Variants in DOK7 observed in about 807,000 individuals in gnomAD.
The protein encoded by DOK7 is docking protein 7, also known as protein Dok-7.
In DOK7, 32 loss-of-function variants were observed where a neutral mutation model predicts 30.7. The ratio of observed to expected loss-of-function variants is 1.04; its 90% CI spans 0.79 to 1.40. The LOEUF (loss-of-function observed/expected upper bound fraction) is 1.40, where lower values mean the gene tolerates loss of function less well. Among genes scored for constraint, DOK7 ranks in the 40% most tolerant of loss-of-function variants. The pLI is 0.00. For missense variants in DOK7, 1,007 were observed against 699.2 expected (o/e 1.44, Z -4.97); for synonymous variants, 447 against 324.1 (o/e 1.38, Z -4.07).
chr4:3,486,925 C>T (rs964480425), intron 5 of DOK7, among the ~76,000 whole-genome samples: 18 of 152,026 alleles, frequency 1.2e-4, no homozygotes, highest in Admixed American at 2.0e-4. Flanking sequence ...AGGCAGTTCC[C>T]GGGGAGCAGA....
At chr4:3,495,688 T>C (rs535921008), downstream of DOK7, among the ~76,000 whole-genome samples, 1 of 152,164 alleles carries the variant, frequency 6.6e-6, no homozygotes, top group South Asian at 2.1e-4. Flanking sequence ...CAGACACTGG[T>C]TCTGTTTTCT....
In DOK7 at chr4:3,463,337, C is replaced by A; in HGVS notation, c.-39C>A. 2 of 1,435,194 alleles carry A rather than the reference C, an allele frequency of 1.4e-6. No homozygotes were observed. The highest frequency in any genetic ancestry group is 1.8e-6 in the Non-Finnish European group (2 of 1,106,002). 88.9% of individuals were successfully genotyped at this position (1,435,194 alleles called of 1,614,324 possible). A position where few individuals can be genotyped will look rare whatever the true frequency, so the allele number is the denominator to read the frequency against. On this transcript the variant is annotated 5_prime_UTR_variant, in exon 1 of 7. Coordinates refer to ENST00000340083, the MANE Select transcript of DOK7 (RefSeq NM_173660.5). ...TTTTGAAAGTGACCCTGGGCTGGGG[C>A]GCCGGGGCGAGCGCGGCGGCGCGGA...
intron 2 of DOK7, among the ~76,000 whole-genome samples, chr4:3,471,922 C>T (rs933772865): frequency 3.3e-5 from 5 of 152,270 alleles, no homozygotes; most frequent in African/African-American, 7.2e-5. Flanking sequence ...ACTGTCGCCG[C>T]GCCCACACCA....
intron 6 of DOK7, among the ~76,000 whole-genome samples, chr4:3,500,059 G>A (rs936738152): frequency 2.6e-5 from 4 of 151,938 alleles, no homozygotes; most frequent in Admixed American, 6.6e-5. Flanking sequence ...ACAGTGTGGG[G>A]GGGGCCTCAG....
intron 2 of DOK7, 123 bp downstream of exon 2, chr4:3,463,674 G>T: frequency 7.8e-7 from 1 of 1,289,952 alleles, no homozygotes; most frequent in Non-Finnish European, 1.1e-6. Flanking sequence ...AAACCCGAGA[G>T]CCCCGTGCGG....
chr4:3,468,305 T>A (rs892195765), intron 2 of DOK7, among the ~76,000 whole-genome samples: 1 of 148,626 alleles, frequency 6.7e-6, no homozygotes, highest in South Asian at 2.1e-4. Flanking sequence ...CGTGTGCACA[T>A]GCGTGTGAAT....
chr4:3,479,417 G>T (rs555994089), intron 4 of DOK7, among the ~76,000 whole-genome samples: 11 of 152,370 alleles, frequency 7.2e-5, no homozygotes, highest in Non-Finnish European at 1.3e-4. Flanking sequence ...CTGGGACGGA[G>T]AAATATCCAG....
At chr4:3,484,849 G>C (rs543311244) in intron 4 of DOK7, 1 of 985,354 alleles carries the variant, frequency 1.0e-6, no homozygotes, top group South Asian at 4.7e-5. Context: ...GGCAGGTGCC[G>C]TGCCACACCT....
intron 2 of DOK7, among the ~76,000 whole-genome samples, chr4:3,468,262 G>A (rs555657190): frequency 1.2e-4 from 18 of 152,024 alleles, no homozygotes; most frequent in East Asian, 3.9e-4. Context: ...GTGTGTCCGC[G>A]TGCATGTGAA....
At position 3,493,877 on chromosome 4, in the gene DOK7, T is replaced by A. The variant is rs1728723715; in HGVS notation, c.*376T>A. The A allele has an allele frequency of 1.8e-6, 2 of 1,109,914 alleles. No individual in the cohort carries two copies. Among genetic ancestry groups the A allele is most frequent in the East Asian group, 6.2e-5 (1 of 16,136 alleles). 68.8% of individuals were successfully genotyped at this position (1,109,914 alleles called of 1,614,324 possible). On this transcript the variant is annotated 3_prime_UTR_variant, in exon 7 of 7. Transcript: ENST00000340083. ...CCGCTGGCCTTGTCCTCCTTGGGCC[T>A]CACGCCCCCTTCGGGGGTGGCCGGT...
In DOK7 at chr4:3,493,097, TCACTGCTCA is replaced by T; in HGVS notation, c.1112_1120del (p.Ser371_Ser374delinsCys). On this transcript the variant is annotated inframe_deletion, in exon 7 of 7. Coordinates refer to ENST00000340083, the MANE Select transcript of DOK7 (RefSeq NM_173660.5). ...GTGGCGGGCCACAGATGAACTGGGC[TCACTGCTCA>T]GCCTGCCAGCAGCGGGGGCCCCCGA... The T allele has an allele frequency of 1.3e-6, 2 of 1,581,242 alleles. No homozygotes were observed. The highest frequency in any genetic ancestry group is 2.3e-5 in the South Asian group (2 of 87,642).
intron 6 of DOK7, among the ~76,000 whole-genome samples, 185 bp from the exon 7 acceptor site, chr4:3,492,574 G>A (rs1728546693): frequency 6.6e-6 from 1 of 152,144 alleles, no homozygotes; most frequent in Non-Finnish European, 1.5e-5. Context: ...AACAGGAGTG[G>A]ATGAGGGGTA....
At position 3,501,151 on chromosome 4, in the gene DOK7, T is replaced by C. The variant is rs79841452; in HGVS notation, c.*326T>C. 8.0e-6 allele frequency: 3 copies of C among 376,142 alleles called. No homozygotes were observed. In the East Asian group the frequency reaches 1.5e-4, roughly 19 times the overall value. The allele number at this position is 376,142 out of a possible 1,614,324, so 23.3% of individuals were successfully genotyped here. A position where few individuals can be genotyped will look rare whatever the true frequency, so the allele number is the denominator to read the frequency against. On this transcript the variant is annotated 3_prime_UTR_variant, in exon 8 of 8. Coordinates refer to the DOK7 transcript ENST00000643608. ...CAGGCAGAGGCTGCTGCCCAGGAGT[T>C]TGGGAGCATGGTTTGTGGTGCCTGG...
chr4:3,489,074 C>T (rs531099747), intron 5 of DOK7, among the ~76,000 whole-genome samples: 23 of 152,264 alleles, frequency 1.5e-4, no homozygotes, highest in African/African-American at 3.6e-4. Flanking sequence ...GACACATGGA[C>T]GATGAATAGA....
intron 5 of DOK7, 61 bp from the exon 6 acceptor site, chr4:3,489,616 C>T (rs1382776484): frequency 2.6e-6 from 4 of 1,552,526 alleles, no homozygotes; most frequent in Admixed American, 1.9e-5. Context: ...GGGCCTGGTG[C>T]CTGCGGGCGA....
intron 5 of DOK7, 145 bp downstream of exon 5, chr4:3,485,803 C>A: frequency 7.8e-7 from 1 of 1,279,526 alleles, no homozygotes; most frequent in Non-Finnish European, 1.0e-6. Flanking sequence ...CCTTTCCAGG[C>A]CAGGATTGCA....
rs1345788520 is a variant in DOK7 at position 3,493,182 on chromosome 4, C to T, written c.1196C>T (p.Thr399Ile). 6.2e-7 allele frequency: 1 copy of T among 1,610,096 alleles called. No individual in the cohort carries two copies. Among genetic ancestry groups the T allele is most frequent in the Non-Finnish European group, 8.5e-7 (1 of 1,179,022 alleles). The change falls in exon 7 of 7, where the codon ACC (threonine) becomes ATC (isoleucine). Residue 399 changes from threonine to isoleucine, a missense_variant. Coordinates refer to ENST00000340083, the MANE Select transcript of DOK7 (RefSeq NM_173660.5). ...LPGTVEYQVP[T>I]SLRAHYDTPR... ...GGGACAGTCGAGTACCAGGTGCCCA[C>T]CTCCCTGCGGGCCCACTATGACACA...
intron 2 of DOK7, among the ~76,000 whole-genome samples, chr4:3,465,542 T>C (rs933030267): frequency 6.6e-6 from 1 of 152,232 alleles, no homozygotes; most frequent in Non-Finnish European, 1.5e-5. Flanking sequence ...GATTTCCTTC[T>C]GGGAAGGGCC....
At chr4:3,500,450 C>G (rs1156473954) in intron 7 of DOK7, 1 of 1,529,148 alleles carries the variant, frequency 6.5e-7, no homozygotes, top group African/African-American at 1.4e-5. Context: ...GGGGCTGGGA[C>G]CACAGCCTCA....
Sources: gnomAD v4.1 joint callset for allele counts (sites outside exome capture counted in the v4.1 genomes callset) on GRCh38, gnomAD v4.1.1 for gene constraint, MANE v1.5 for transcripts, NCBI Gene and HGNC (gene_info 2026-07-23, HGNC 2026-07-21) for gene names.